The following NFE2L3 variants were observed in gnomAD, a reference collection of about 807,000 sequenced individuals.
The protein encoded by NFE2L3 is nuclear factor erythroid 2-related factor 3.
Under a neutral mutation model 23.5 loss-of-function variants are expected in NFE2L3, and 18 were observed. The ratio of observed to expected loss-of-function variants is 0.77; its 90% confidence interval spans 0.53 to 1.13. The LOEUF is 1.13. NFE2L3 is among the 50% of genes most tolerant of loss of function. The pLI is 0.00. For missense variants in NFE2L3, 1,152 were observed against 877.2 expected, an observed-to-expected ratio of 1.31 and a Z score of -3.96; for synonymous variants, 424 against 354.5, an observed-to-expected ratio of 1.20 and a Z score of -2.20.
intron 1 of NFE2L3, among the ~76,000 whole-genome samples, chr7:26,177,612 G>A (rs1390969680): frequency 6.6e-6 from 1 of 151,628 alleles, no homozygotes. Flanking sequence ...GAAGGAGGGA[G>A]GAAGGGAGGA....
At position 26,185,227 on chromosome 7, in the gene NFE2L3, CTTCTGAACCTT is replaced by C. The variant is rs1562680915; in HGVS notation, c.1533_1543del (p.Glu512ValfsTer11). On this transcript the variant is annotated frameshift_variant, in exon 4 of 4. Coordinates refer to ENST00000056233, the MANE Select transcript of NFE2L3 (RefSeq NM_004289.7). LOFTEE classifies it low-confidence loss of function (END_TRUNC). ...TTACAGCCAACTGCACCAGAATCTA[CTTCTGAACCTT>C]TTCCGTGGCCTGGGAAGTCACAGAA... 2 of 1,613,414 alleles carry C rather than the reference CTTCTGAACCTT, an allele frequency of 1.2e-6. No individual in the cohort carries two copies. Among genetic ancestry groups the C allele is most frequent in the Non-Finnish European group, 1.7e-6 (2 of 1,179,914 alleles).
At chr7:26,163,403 A>G (rs550251615) in intron 1 of NFE2L3, among the ~76,000 whole-genome samples, 3 of 152,048 alleles carry the variant, frequency 2.0e-5, no homozygotes, top group Non-Finnish European at 4.4e-5. Flanking sequence ...CTGGGGTGCA[A>G]TGGCGCGATC....
chr7:26,184,925 T>A lies in NFE2L3; in HGVS notation c.1227T>A (p.Ser409=). 6.2e-7 allele frequency: 1 copy of A among 1,613,978 alleles called. No homozygotes were observed. Among genetic ancestry groups the A allele is most frequent in the Non-Finnish European group, 8.5e-7 (1 of 1,179,856 alleles). The change falls in exon 4 of 4, where the codon TCT becomes TCA. Residue 409 remains serine (S), a synonymous_variant. Coordinates refer to ENST00000056233, the MANE Select transcript of NFE2L3 (RefSeq NM_004289.7). ...TEDNFDPIDV[S]QLFDEPDSDS... ...ACAACTTTGATCCAATCGATGTTTC[T>A]CAGCTTTTTGATGAACCAGATTCTG...
rs887085133 is a variant in NFE2L3, at chr7:26,183,630, A to C, written c.751-71A>C. The C allele has an allele frequency of 3.3e-5, 30 of 900,690 alleles. No individual in the cohort carries two copies. In the East Asian group the frequency reaches 7.0e-4, roughly 21 times the overall value. The allele number at this position is 900,690 out of a possible 1,614,324, so 55.8% of individuals were successfully genotyped here. A position where few individuals can be genotyped will look rare whatever the true frequency, so the allele number is the denominator to read the frequency against. On this transcript the variant is annotated intron_variant, in intron 2 of 3. Coordinates refer to ENST00000056233, the MANE Select transcript of NFE2L3 (RefSeq NM_004289.7). The stretch of plus-strand genomic sequence containing the variant: ...GGAAATAATACCTGGTGATCCTTTA[A>C]AGATAAAGCCTAAAGCCCCAACCAG...
chr7:26,167,267 A>AG (rs1562671822), intron 1 of NFE2L3, among the ~76,000 whole-genome samples: 1 of 152,214 alleles, frequency 6.6e-6, no homozygotes, highest in South Asian at 2.1e-4. Flanking sequence ...TAGATAGAAC[A>AG]GGATAAGTGC....
chr7:26,156,422 T>C (rs1784082569), intron 1 of NFE2L3, among the ~76,000 whole-genome samples: 1 of 152,162 alleles, frequency 6.6e-6, no homozygotes, highest in Non-Finnish European at 1.5e-5. Flanking sequence ...TATGTACATA[T>C]GCAAAAATAT....
rs1782452651 is a variant in NFE2L3 at position 26,185,277 on chromosome 7, T to C, written c.1579T>C (p.Tyr527His). The C allele has an allele frequency of 4.3e-6, 7 of 1,614,146 alleles. No individual in the cohort carries two copies. Among genetic ancestry groups the C allele is most frequent in the Non-Finnish European group, 4.2e-6 (5 of 1,179,998 alleles). Reference sequence around the variant, plus strand: ...GAAGTCACAGAAGATAAGGAGTAGATACCTTGAAGACACAGATAGAAACTT... The same window carrying C: ...GAAGTCACAGAAGATAAGGAGTAGACACCTTGAAGACACAGATAGAAACTT... ...PGKSQKIRSRYLEDTDRNLSR... is the reference protein window; with the variant it reads ...PGKSQKIRSRHLEDTDRNLSR... Residue 527 changes from tyrosine to histidine, a missense_variant, in exon 4 of 4, where the codon TAC (tyrosine) becomes CAC (histidine). Transcript: ENST00000056233.
intron 2 of NFE2L3, among the ~76,000 whole-genome samples, chr7:26,180,941 C>T (rs1411516914): frequency 2.0e-5 from 3 of 152,032 alleles, no homozygotes; most frequent in Non-Finnish European, 2.9e-5. Context: ...TGAGCATTTA[C>T]GTCACATCTT....
intron 2 of NFE2L3, among the ~76,000 whole-genome samples, chr7:26,180,511 G>GACAGAACCATATAT (rs1322559320): frequency 6.6e-6 from 1 of 152,174 alleles, no homozygotes; most frequent in Admixed American, 6.5e-5. Flanking sequence ...TTAAAATACT[G>GACAGAACCATATAT]ACAGAACCAT....
intron 2 of NFE2L3, 30 bp downstream of exon 2, chr7:26,178,152 C>T (rs375107249): frequency 3.3e-5 from 53 of 1,584,010 alleles, no homozygotes; most frequent in Admixed American, 3.1e-4. Context: ...CAAGCCTTGC[C>T]GTTTTGGTTT....
At chr7:26,182,821 G>A (rs1047854938) in intron 2 of NFE2L3, among the ~76,000 whole-genome samples, 1 of 152,070 alleles carries the variant, frequency 6.6e-6, no homozygotes, top group African/African-American at 2.4e-5. Context: ...TTTTTGAGAC[G>A]AGATCTCATT....
intron 1 of NFE2L3, among the ~76,000 whole-genome samples, chr7:26,171,051 A>G (rs1056804830): frequency 9.8e-5 from 15 of 152,286 alleles, no homozygotes; most frequent in Admixed American, 3.9e-4. Flanking sequence ...ACTTTTATCC[A>G]TTGTTGGTAG....
rs1344933326 is a variant in NFE2L3 at position 26,187,038 on chromosome 7, T to TA, written c.*1256dup. ...TATTTCTGCCATAGGAGCTACAGTG[T>TA]AGAGTATCACATAAGTATCTTGGGC... On this transcript the variant is annotated 3_prime_UTR_variant, in exon 4 of 4. Transcript: ENST00000056233. 2 of 152,236 alleles carry TA rather than the reference T, an allele frequency of 1.3e-5. No homozygotes were observed. Among genetic ancestry groups the TA allele is most frequent in the Non-Finnish European group, 2.9e-5 (2 of 68,030 alleles). The allele number at this position is 152,236 out of a possible 1,614,324, so 9.4% of individuals were successfully genotyped here.
At chr7:26,157,837 C>G (rs1016412125) in intron 1 of NFE2L3, among the ~76,000 whole-genome samples, 1 of 152,144 alleles carries the variant, frequency 6.6e-6, no homozygotes, top group African/African-American at 2.4e-5. Context: ...AGTCCAAGAT[C>G]AAGGTGTCAG....
rs749680227 is a variant in NFE2L3 at position 26,185,027 on chromosome 7, TGAA to T, written c.1331_1333del (p.Glu444del). ...CTAATTCCTCTCACTCTGTGTGTGA[TGAA>T]GGTGCTATAGGTTATTGCACTGACC... On this transcript the variant is annotated inframe_deletion, in exon 4 of 4. Transcript: ENST00000056233. The T allele has an allele frequency of 1.2e-5, 19 of 1,613,780 alleles. No homozygotes were observed. In the African/African-American group the frequency reaches 1.9e-4, roughly 16 times the overall value.
chr7:26,176,825 G>A (rs1351109397), intron 1 of NFE2L3, among the ~76,000 whole-genome samples: 3 of 121,624 alleles, frequency 2.5e-5, no homozygotes, highest in Non-Finnish European at 3.5e-5. Flanking sequence ...CCAGGCAGAG[G>A]CGCTCCTCAC....
chr7:26,171,754 G>A (rs773924872), intron 1 of NFE2L3, among the ~76,000 whole-genome samples: 1 of 152,102 alleles, frequency 6.6e-6, no homozygotes, highest in Non-Finnish European at 1.5e-5. Context: ...GATCTGGCCA[G>A]GAGTGATGAC....
chr7:26,180,047 A>G (rs894868449), intron 2 of NFE2L3, among the ~76,000 whole-genome samples: 1 of 151,924 alleles, frequency 6.6e-6, no homozygotes, highest in African/African-American at 2.4e-5. Context: ...GGCCCTCTCA[A>G]CCATTTGCTG....
chr7:26,175,472 TTAATAGTTTATAA>T (rs1283052948), intron 1 of NFE2L3, among the ~76,000 whole-genome samples: 12 of 152,032 alleles, frequency 7.9e-5, no homozygotes, highest in Admixed American at 7.9e-4. Context: ...AGAACCAGAA[TTAATAGTTTATAA>T]TAATAGTTTC....
Sources: allele counts gnomAD v4.1 joint callset (sites outside exome capture counted in the v4.1 genomes callset), GRCh38; gene constraint gnomAD v4.1.1; transcripts MANE v1.5; gene names NCBI Gene and HGNC (gene_info 2026-07-23, HGNC 2026-07-21).